DNAJC1: variants seen among roughly 807,000 people sequenced by gnomAD.
DNAJC1 encodes the protein dnaJ homolog subfamily C member 1.
DNAJC1 carries 58 observed loss-of-function variants against 76.6 expected under a neutral mutation model. The observed-to-expected ratio is 0.76, with a 90% CI of 0.61 to 0.94. The LOEUF is 0.94. DNAJC1 is among the 40% of genes least tolerant of loss of function. The pLI is 0.00. For missense variants in DNAJC1, 689 were observed against 677.3 expected, an observed-to-expected ratio of 1.02 and a Z score of -0.19; for synonymous variants, 258 against 267.9, an observed-to-expected ratio of 0.96 and a Z score of 0.36.
chr10:21,998,533 T>C (rs1225608443), intron 1 of DNAJC1, among the ~76,000 whole-genome samples: 1 of 152,048 alleles, frequency 6.6e-6, no homozygotes, highest in African/African-American at 2.4e-5. Flanking sequence ...GATCTTTCAA[T>C]AGCACATCTT....
At chr10:21,816,893 G>A (rs1222952645) in intron 8 of DNAJC1, among the ~76,000 whole-genome samples, 6 of 141,926 alleles carry the variant, frequency 4.2e-5, no homozygotes, top group Non-Finnish European at 9.2e-5. Flanking sequence ...GGTGGCTCAC[G>A]CCTGTAACCC....
intron 8 of DNAJC1, among the ~76,000 whole-genome samples, chr10:21,824,554 C>T (rs1439994835): frequency 2.0e-5 from 3 of 152,104 alleles, no homozygotes; most frequent in African/African-American, 7.2e-5. Flanking sequence ...AATGTCAGCC[C>T]TGTGTTACTG....
intron 9 of DNAJC1, among the ~76,000 whole-genome samples, chr10:21,782,953 T>G (rs1207141115): frequency 1.3e-5 from 2 of 152,114 alleles, no homozygotes; most frequent in South Asian, 2.1e-4. Context: ...CACATTGAAT[T>G]GACAAAAACT....
chr10:21,812,208 G>C (rs566968777), intron 8 of DNAJC1, among the ~76,000 whole-genome samples: 9 of 151,842 alleles, frequency 5.9e-5, no homozygotes, highest in African/African-American at 2.2e-4. Context: ...ACAGGTGCCC[G>C]CCACCACGCC....
chr10:21,860,520 C>T (rs1048907719), intron 8 of DNAJC1, among the ~76,000 whole-genome samples: 35 of 151,906 alleles, frequency 2.3e-4, no homozygotes, highest in African/African-American at 7.0e-4. Context: ...AGTGAAACCC[C>T]GTCTCTACTA....
chr10:21,897,339 T>A (rs961760211), intron 7 of DNAJC1, among the ~76,000 whole-genome samples: 5 of 152,214 alleles, frequency 3.3e-5, no homozygotes, highest in Non-Finnish European at 7.4e-5. Context: ...AAATGAAATA[T>A]CACATAATCA....
chr10:21,978,435 A>G (rs1439541695), intron 1 of DNAJC1, among the ~76,000 whole-genome samples: 1 of 152,174 alleles, frequency 6.6e-6, no homozygotes, highest in Non-Finnish European at 1.5e-5. Context: ...AGAACCTAGT[A>G]AGACAGGGGT....
chr10:21,847,555 T>C (rs1394540448), intron 8 of DNAJC1, among the ~76,000 whole-genome samples: 1 of 152,142 alleles, frequency 6.6e-6, no homozygotes, highest in Non-Finnish European at 1.5e-5. Context: ...AACTGTATTT[T>C]TGCAACCGCT....
intron 8 of DNAJC1, among the ~76,000 whole-genome samples, chr10:21,816,775 G>A (rs1360164203): frequency 2.1e-5 from 3 of 144,658 alleles, no homozygotes; most frequent in African/African-American, 5.1e-5. Flanking sequence ...TCGATCTCCT[G>A]ACCTCGTGAT....
chr10:21,799,895 G>C (rs745623082), intron 9 of DNAJC1, among the ~76,000 whole-genome samples: 1 of 152,090 alleles, frequency 6.6e-6, no homozygotes, highest in Non-Finnish European at 1.5e-5. Context: ...TGAAGGCACT[G>C]TTCCCTCATC....
chr10:21,935,790 T>A (rs574763169), intron 1 of DNAJC1, among the ~76,000 whole-genome samples: 1 of 152,122 alleles, frequency 6.6e-6, no homozygotes, highest in Admixed American at 6.5e-5. Context: ...CATCAGAGAT[T>A]ATGGAGGCTA....
At chr10:21,863,764 G>T (rs1025900912) in intron 8 of DNAJC1, among the ~76,000 whole-genome samples, 2 of 152,194 alleles carry the variant, frequency 1.3e-5, no homozygotes, top group South Asian at 4.1e-4. Flanking sequence ...GCTATTAGAT[G>T]CAGAAAAAAA....
At chr10:21,928,655 C>A in intron 2 of DNAJC1, 103 bp from the exon 3 acceptor site, 1 of 857,090 alleles carries the variant, frequency 1.2e-6, no homozygotes, top group South Asian at 1.5e-5. Context: ...TCCTATGTGC[C>A]TATATATACA....
chr10:21,768,090 G>C (rs948224002), intron 9 of DNAJC1, among the ~76,000 whole-genome samples: 4 of 151,992 alleles, frequency 2.6e-5, no homozygotes, highest in Admixed American at 1.3e-4. Context: ...CCACTGTTCA[G>C]ACTTCTATTG....
At chr10:21,990,099 T>C (rs1838304277) in intron 1 of DNAJC1, among the ~76,000 whole-genome samples, 1 of 152,244 alleles carries the variant, frequency 6.6e-6, no homozygotes, top group Non-Finnish European at 1.5e-5. Flanking sequence ...TTCAAGAGTC[T>C]ATAGCAATTT....
At chr10:21,982,877 C>A (rs553238530) in intron 1 of DNAJC1, among the ~76,000 whole-genome samples, 64 of 152,114 alleles carry the variant, frequency 4.2e-4, no homozygotes, top group African/African-American at 1.4e-3. Flanking sequence ...AAATTGTGAC[C>A]CTTTCTCTAC....
intron 5 of DNAJC1, among the ~76,000 whole-genome samples, chr10:21,919,134 C>A (rs1836999589): frequency 1.3e-5 from 2 of 151,952 alleles, no homozygotes; most frequent in Non-Finnish European, 1.5e-5. Context: ...AATCAAGTTA[C>A]AAAGATAAAC....
At chr10:21,924,327 C>A (rs893427848) in intron 3 of DNAJC1, among the ~76,000 whole-genome samples, 5 of 152,052 alleles carry the variant, frequency 3.3e-5, no homozygotes, top group African/African-American at 9.7e-5. Flanking sequence ...ATACGTTTAA[C>A]AGCATTTGTA....
intron 1 of DNAJC1, among the ~76,000 whole-genome samples, chr10:21,981,681 A>G (rs1805644648): frequency 6.6e-6 from 1 of 152,150 alleles, no homozygotes; most frequent in Non-Finnish European, 1.5e-5. Context: ...TGTATTCAAA[A>G]ACAGCCTTTT....
Sources: allele counts gnomAD v4.1 joint callset (sites outside exome capture counted in the v4.1 genomes callset), GRCh38; gene constraint gnomAD v4.1.1; transcripts MANE v1.5; gene names NCBI Gene and HGNC (gene_info 2026-07-23, HGNC 2026-07-21).